CDH13: variants seen among roughly 807,000 people sequenced by gnomAD.
The protein encoded by CDH13 is cadherin 13.
A neutral mutation model predicts 63.8 loss-of-function variants in CDH13; 24 were observed. The ratio of observed to expected loss-of-function variants is 0.38; its 90% CI spans 0.27 to 0.53. The LOEUF is 0.53. Ranked by LOEUF, CDH13 falls within the 20% of genes least tolerant of loss-of-function variation. The pLI is 0.85. For synonymous variants in CDH13, 503 were observed against 355.3 expected (o/e 1.42, Z -4.67); for missense variants, 1,049 against 903.1 (o/e 1.16, Z -2.07).
chr16:82,795,092 G>A (rs2036517979), intron 1 of CDH13, among the ~76,000 whole-genome samples: 1 of 152,114 alleles, frequency 6.6e-6, no homozygotes, highest in Admixed American at 6.5e-5. Context: ...TCTCCAACTG[G>A]CTCACACATT....
intron 7 of CDH13, among the ~76,000 whole-genome samples, chr16:83,493,095 G>A (rs574960892): frequency 6.6e-6 from 1 of 152,148 alleles, no homozygotes; most frequent in Non-Finnish European, 1.5e-5. Context: ...GCCACAGTGA[G>A]AATAATCACA....
At chr16:82,642,546 G>A (rs1357479680) in intron 1 of CDH13, among the ~76,000 whole-genome samples, 1 of 152,164 alleles carries the variant, frequency 6.6e-6, no homozygotes, top group Non-Finnish European at 1.5e-5. Flanking sequence ...TGCATATGAT[G>A]AGACTTGACT....
intron 5 of CDH13, among the ~76,000 whole-genome samples, chr16:83,315,796 T>C (rs2090093150): frequency 6.6e-6 from 1 of 152,152 alleles, no homozygotes; most frequent in African/African-American, 2.4e-5. Flanking sequence ...CTTGTTATAG[T>C]GGGTGAATGT....
intron 5 of CDH13, 87 bp from the exon 6 acceptor site, chr16:83,344,775 T>C: frequency 2.1e-6 from 3 of 1,455,394 alleles, no homozygotes; most frequent in Non-Finnish European, 2.9e-6. Flanking sequence ...AAATTGTCGA[T>C]ATAACCTACT....
chr16:83,594,706 A>T (rs538334852), intron 7 of CDH13, among the ~76,000 whole-genome samples: 1 of 152,344 alleles, frequency 6.6e-6, no homozygotes, highest in African/African-American at 2.4e-5. Context: ...CTTTTTCCAC[A>T]TCACATCTAT....
intron 2 of CDH13, among the ~76,000 whole-genome samples, chr16:82,862,197 C>G (rs1188307323): frequency 2.0e-5 from 3 of 152,164 alleles, no homozygotes; most frequent in Non-Finnish European, 2.9e-5. Context: ...GAGCTGACAT[C>G]TTAGTACCAC....
At chr16:82,716,020 G>A (rs923329900) in intron 1 of CDH13, among the ~76,000 whole-genome samples, 5 of 152,290 alleles carry the variant, frequency 3.3e-5, no homozygotes, top group African/African-American at 7.2e-5. Flanking sequence ...GTCTGCTGGC[G>A]CTCAGTTCTT....
chr16:82,810,372 G>T (rs2169451), intron 1 of CDH13, among the ~76,000 whole-genome samples: 22,563 of 152,126 alleles, frequency 0.15, 2,459 homozygotes, highest in East Asian at 0.62. Flanking sequence ...CTGTCAGCCA[G>T]GGAGAGGTAC....
chr16:82,843,365 T>A (rs1408552204), intron 1 of CDH13, among the ~76,000 whole-genome samples: 1 of 152,216 alleles, frequency 6.6e-6, no homozygotes. Context: ...TTCAGGATGG[T>A]CAAATGTTTG....
intron 2 of CDH13, among the ~76,000 whole-genome samples, chr16:82,874,803 G>A (rs779884726): frequency 1.8e-4 from 27 of 152,128 alleles, no homozygotes; most frequent in Non-Finnish European, 3.8e-4. Flanking sequence ...AGAGTAAGTG[G>A]GGATAAATTA....
At chr16:83,266,598 C>T (rs1369653684) in intron 5 of CDH13, among the ~76,000 whole-genome samples, 2 of 152,164 alleles carry the variant, frequency 1.3e-5, no homozygotes, top group Non-Finnish European at 2.9e-5. Context: ...CTTCACACTC[C>T]AGGGAATACC....
chr16:83,241,093 T>A (rs1001061145), intron 5 of CDH13, among the ~76,000 whole-genome samples: 2 of 152,234 alleles, frequency 1.3e-5, no homozygotes, highest in African/African-American at 4.8e-5. Flanking sequence ...TTTGTCCTTC[T>A]ATGACTGGCT....
intron 2 of CDH13, among the ~76,000 whole-genome samples, chr16:82,912,596 G>C (rs929069806): frequency 6.6e-6 from 1 of 152,182 alleles, no homozygotes; most frequent in Non-Finnish European, 1.5e-5. Context: ...CTGCTCCATT[G>C]ACCCTAGGGA....
chr16:83,595,625 C>G (rs1907177601), intron 7 of CDH13, among the ~76,000 whole-genome samples: 1 of 152,136 alleles, frequency 6.6e-6, no homozygotes, highest in African/African-American at 2.4e-5. Context: ...AGGTTTCTTC[C>G]TTTTGAGGAA....
intron 3 of CDH13, among the ~76,000 whole-genome samples, chr16:83,098,119 C>A (rs1321373059): frequency 6.6e-6 from 1 of 152,154 alleles, no homozygotes; most frequent in Non-Finnish European, 1.5e-5. Context: ...AGGAAATAAT[C>A]TTTGAGACCA....
intron 6 of CDH13, among the ~76,000 whole-genome samples, chr16:83,361,051 C>T (rs569902271): frequency 3.5e-4 from 54 of 152,292 alleles, no homozygotes; most frequent in African/African-American, 1.3e-3. Flanking sequence ...TACATTCCCA[C>T]GAACAGTATA....
At chr16:83,651,586 C>G (rs910347654) in intron 8 of CDH13, among the ~76,000 whole-genome samples, 1 of 123,924 alleles carries the variant, frequency 8.1e-6, no homozygotes, top group Non-Finnish European at 1.7e-5. Context: ...TTTTATTTTC[C>G]TCTTTTTTTT....
At chr16:82,742,780 C>A (rs2033991208) in intron 1 of CDH13, among the ~76,000 whole-genome samples, 1 of 152,112 alleles carries the variant, frequency 6.6e-6, no homozygotes, top group Non-Finnish European at 1.5e-5. Flanking sequence ...ACAACAAATG[C>A]CATATTTTAA....
At chr16:82,632,407 G>T (rs919725364) in intron 1 of CDH13, among the ~76,000 whole-genome samples, 1 of 152,172 alleles carries the variant, frequency 6.6e-6, no homozygotes, top group East Asian at 1.9e-4. Flanking sequence ...GGGGACTGCA[G>T]CCCCTCCCTG....
Sources: gnomAD v4.1 joint callset for allele counts (sites outside exome capture counted in the v4.1 genomes callset) on GRCh38, gnomAD v4.1.1 for gene constraint, MANE v1.5 for transcripts, NCBI Gene and HGNC (gene_info 2026-07-23, HGNC 2026-07-21) for gene names.